PDE5A: variants seen among roughly 807,000 people sequenced by gnomAD.
PDE5A encodes cGMP-specific 3',5'-cyclic phosphodiesterase.
Under a neutral mutation model 110.2 loss-of-function variants are expected in PDE5A, and 67 were observed. The ratio of observed to expected loss-of-function variants is 0.61; its 90% CI spans 0.50 to 0.75. The LOEUF (loss-of-function observed/expected upper bound fraction) is 0.75, where lower values mean the gene tolerates loss of function less well. Among genes scored for constraint, PDE5A ranks in the 30% least tolerant of loss-of-function variants. The pLI, the probability that PDE5A is intolerant of heterozygous loss-of-function variation, is 0.00. For synonymous variants in PDE5A, 328 were observed against 351.2 expected (o/e 0.93, Z 0.74); for missense variants, 862 against 1,045.1 (o/e 0.82, Z 2.42).
At chr4:119,524,892 A>C (rs1298653030) in intron 12 of PDE5A, among the ~76,000 whole-genome samples, 1 of 152,126 alleles carries the variant, frequency 6.6e-6, no homozygotes, top group African/African-American at 2.4e-5. Context: ...TGATATTAGA[A>C]GATATTTAAG....
At chr4:119,568,725 G>T (rs1728035992) in intron 3 of PDE5A, among the ~76,000 whole-genome samples, 1 of 152,082 alleles carries the variant, frequency 6.6e-6, no homozygotes, top group South Asian at 2.1e-4. Flanking sequence ...GTTTTACAAA[G>T]TAAAGACATA....
At chr4:119,586,257 A>T (rs1031346480) in intron 3 of PDE5A, among the ~76,000 whole-genome samples, 1 of 152,228 alleles carries the variant, frequency 6.6e-6, no homozygotes, top group African/African-American at 2.4e-5. Flanking sequence ...AAAAAAATTT[A>T]AAAATTTTTG....
At chr4:119,607,938 T>C (rs756895580) in intron 1 of PDE5A, among the ~76,000 whole-genome samples, 5 of 152,152 alleles carry the variant, frequency 3.3e-5, no homozygotes, top group African/African-American at 4.8e-5. Context: ...TTTAGGAAAA[T>C]ATAAATATGC....
chr4:119,621,672 A>G (rs6817317), intron 1 of PDE5A, among the ~76,000 whole-genome samples: 71,391 of 151,990 alleles, frequency 0.47, 17,075 homozygotes, highest in South Asian at 0.64. Context: ...ATAGTTAGAT[A>G]GACACAGAGA....
At chr4:119,617,935 T>C (rs750351421) in intron 1 of PDE5A, among the ~76,000 whole-genome samples, 4 of 152,200 alleles carry the variant, frequency 2.6e-5, no homozygotes, top group African/African-American at 4.8e-5. Flanking sequence ...AGGCACATCA[T>C]TAAGTAATGT....
chr4:119,547,052 A>G (rs1438464882), intron 9 of PDE5A, among the ~76,000 whole-genome samples: 1 of 136,462 alleles, frequency 7.3e-6, no homozygotes, highest in Non-Finnish European at 1.6e-5. Flanking sequence ...GTCTCATCTT[A>G]TTTCAACCTT....
chr4:119,621,927 T>C (rs956937706), intron 1 of PDE5A, among the ~76,000 whole-genome samples: 6 of 152,088 alleles, frequency 3.9e-5, no homozygotes, highest in Admixed American at 2.0e-4. Flanking sequence ...TCCCAGCACT[T>C]TGGGAGGCCG....
intron 10 of PDE5A, among the ~76,000 whole-genome samples, chr4:119,539,593 T>C: frequency 6.6e-6 from 1 of 152,040 alleles, no homozygotes; most frequent in East Asian, 1.9e-4. Flanking sequence ...AAGAGAGTAG[T>C]GCTGGCCTGT....
chr4:119,596,928 C>T lies in PDE5A; in HGVS notation c.742-316G>A, dbSNP rs181926507. On this transcript the variant is annotated intron_variant, in intron 2 of 20. Coordinates refer to ENST00000354960, the MANE Select transcript of PDE5A (RefSeq NM_001083.4). The stretch of plus-strand genomic sequence containing the variant: ...TGTACTTAAATTCAGGAAAAAGTGG[C>T]ATCTCTCCACCTCTGTAATATCATC... Among the ~76,000 whole-genome samples, 18 of 152,172 alleles carry T rather than the reference C, an allele frequency of 1.2e-4. No homozygotes were observed. In the East Asian group the frequency reaches 2.1e-3, roughly 18 times the overall value.
In PDE5A at chr4:119,518,973, G is replaced by A; in HGVS notation, c.2000+72C>T. ...GACCTTGACCATCAAATTTTGCTGT[G>A]GCTTTAACTTAAAAAAAGACAGCCC... On this transcript the variant is annotated intron_variant, in intron 14 of 20. Transcript: ENST00000354960. 2.9e-6 allele frequency: 3 copies of A among 1,029,512 alleles called. No homozygotes were observed. The South Asian group carries it at 4.1e-5, about 14-fold the overall frequency. The allele number at this position is 1,029,512 out of a possible 1,614,324, so 63.8% of individuals were successfully genotyped here.
intron 18 of PDE5A, among the ~76,000 whole-genome samples, chr4:119,502,915 TTTC>T (rs1001713847): frequency 8.5e-5 from 12 of 140,562 alleles, no homozygotes; most frequent in African/African-American, 3.1e-4. Context: ...TTAAAAATGT[TTTC>T]TTCATTTATT....
At chr4:119,564,948 A>C (rs1323370562) in intron 5 of PDE5A, among the ~76,000 whole-genome samples, 2 of 152,260 alleles carry the variant, frequency 1.3e-5, no homozygotes, top group East Asian at 3.9e-4. Flanking sequence ...CCTGTCTTAC[A>C]AAGTATGAAA....
intron 9 of PDE5A, among the ~76,000 whole-genome samples, chr4:119,546,880 T>C (rs1560610098): frequency 6.6e-6 from 1 of 152,102 alleles, no homozygotes; most frequent in Non-Finnish European, 1.5e-5. Context: ...TCTAACAAAT[T>C]TGTCTTGGCA....
At chr4:119,608,774 C>CG (rs1729631310) in intron 1 of PDE5A, among the ~76,000 whole-genome samples, 1 of 152,094 alleles carries the variant, frequency 6.6e-6, no homozygotes, top group African/African-American at 2.4e-5. Context: ...TTATACCAAA[C>CG]AAAAGTCCAG....
chr4:119,609,305 A>G (rs1475169646), intron 1 of PDE5A, among the ~76,000 whole-genome samples: 1 of 152,260 alleles, frequency 6.6e-6, no homozygotes, highest in Non-Finnish European at 1.5e-5. Flanking sequence ...AGCAGATAAG[A>G]AGCAAACTAA....
intron 9 of PDE5A, chr4:119,543,623 C>G (rs1727028075): frequency 6.6e-6 from 1 of 152,142 alleles, no homozygotes; most frequent in African/African-American, 2.4e-5. Context: ...ATGTGTAGGT[C>G]TAAAATTCAA....
At chr4:119,608,643 C>T (rs1035389530) in intron 1 of PDE5A, among the ~76,000 whole-genome samples, 1 of 152,180 alleles carries the variant, frequency 6.6e-6, no homozygotes, top group Non-Finnish European at 1.5e-5. Context: ...AGACATGACG[C>T]TTTAGAAAAC....
At chr4:119,598,912 A>G (rs1250434538) in intron 2 of PDE5A, among the ~76,000 whole-genome samples, 1 of 152,172 alleles carries the variant, frequency 6.6e-6, no homozygotes, top group Non-Finnish European at 1.5e-5. Flanking sequence ...GGGCATGTAT[A>G]GGGCAAAAAA....
At chr4:119,535,134 G>T (rs1402203401) in intron 11 of PDE5A, among the ~76,000 whole-genome samples, 1 of 152,172 alleles carries the variant, frequency 6.6e-6, no homozygotes, top group African/African-American at 2.4e-5. Flanking sequence ...GATATCCAAT[G>T]AAAGAGCAGG....
Sources: allele counts gnomAD v4.1 joint callset (sites outside exome capture counted in the v4.1 genomes callset), GRCh38; gene constraint gnomAD v4.1.1; transcripts MANE v1.5; gene names NCBI Gene and HGNC (gene_info 2026-07-23, HGNC 2026-07-21).